Variants in SMARCAD1 observed in about 807,000 individuals in gnomAD.
SMARCAD1 encodes the protein SWI/SNF-related matrix-associated actin-dependent regulator of chromatin subfamily A containing DEAD/H box 1.
In SMARCAD1, 25 loss-of-function variants were observed where a neutral mutation model predicts 127.1. The observed-to-expected ratio is 0.20, with a 90% CI of 0.14 to 0.27. SMARCAD1 has a LOEUF of 0.27. Among genes scored for constraint, SMARCAD1 ranks in the 10% least tolerant of loss-of-function variants. The pLI is 1.00. For missense variants in SMARCAD1, 807 were observed against 1,206.0 expected (o/e 0.67, Z 4.90); for synonymous variants, 400 against 396.9 (o/e 1.01, Z -0.09).
chr4:94,287,828 G>T (rs561044362), intron 23 of SMARCAD1, among the ~76,000 whole-genome samples: 1 of 151,306 alleles, frequency 6.6e-6, no homozygotes, highest in African/African-American at 2.4e-5. Flanking sequence ...CATACTTTTT[G>T]AATTTTTTTA....
chr4:94,261,332 C>T lies in SMARCAD1; in HGVS notation c.1282-3375C>T, dbSNP rs140024964. On this transcript the variant is annotated intron_variant, in intron 9 of 23. Transcript: ENST00000354268. ...TCAGAAAATATTGACTGTTATTTAT[C>T]ACTAAACTCATAATATGCTTAGGCA... 2.1e-4 allele frequency among the ~76,000 whole-genome samples: 32 copies of T among 152,234 alleles called. No individual in the cohort carries two copies. In the East Asian group the frequency reaches 4.6e-3, roughly 22 times the overall value.
chr4:94,223,260 C>T (rs776752424), intron 2 of SMARCAD1, among the ~76,000 whole-genome samples: 2 of 151,860 alleles, frequency 1.3e-5, no homozygotes, highest in African/African-American at 2.4e-5. Flanking sequence ...TTTGGGAGGC[C>T]GAGGCAGGTG....
At chr4:94,283,681 C>T (rs566443875) in intron 22 of SMARCAD1, among the ~76,000 whole-genome samples, 4 of 151,938 alleles carry the variant, frequency 2.6e-5, no homozygotes, top group South Asian at 2.1e-4. Context: ...AAAAATTAGC[C>T]GGGCATGGTG....
chr4:94,263,688 GT>G (rs1220654609), intron 9 of SMARCAD1, among the ~76,000 whole-genome samples: 8 of 151,970 alleles, frequency 5.3e-5, no homozygotes, highest in Non-Finnish European at 8.8e-5. Context: ...ATTACTTAGA[GT>G]TGTTAATGTG....
chr4:94,208,688 C>A (rs903166361), intron 2 of SMARCAD1, 104 bp downstream of exon 2: 48 of 1,112,460 alleles, frequency 4.3e-5, no homozygotes, highest in Non-Finnish European at 6.0e-5. Flanking sequence ...TATATTGATG[C>A]ATTGTCCTGC....
rs1386342255 is a variant in SMARCAD1, at chr4:94,252,819, G to C, written c.1093G>C (p.Asp365His). Residue 365 changes from aspartate (D) to histidine (H), a missense_variant, in exon 9 of 24, where the codon GAT becomes CAT. Asp to His is a moderately conservative substitution (Grantham distance 81). Coordinates refer to ENST00000354268, the MANE Select transcript of SMARCAD1 (RefSeq NM_020159.5). ...AGACTCTGAATATGATTCAGGTTCTGATGTCGGTAGTTCACTAGATGAGGA... is the reference window on the plus strand; with the variant it reads ...AGACTCTGAATATGATTCAGGTTCTCATGTCGGTAGTTCACTAGATGAGGA... ...VEDSEYDSGS[D>H]VGSSLDEDYS... 1 of 1,614,098 alleles carries C rather than the reference G, an allele frequency of 6.2e-7. No homozygotes were observed. Among genetic ancestry groups the C allele is most frequent in the African/African-American group, 1.3e-5 (1 of 75,048 alleles).
chr4:94,252,517 T>C, intron 8 of SMARCAD1, 99 bp from the exon 9 acceptor site: 7 of 768,898 alleles, frequency 9.1e-6, no homozygotes, highest in Non-Finnish European at 1.4e-5. Context: ...TTCTTCTGTA[T>C]TCAATAGGAA....
intron 9 of SMARCAD1, among the ~76,000 whole-genome samples, chr4:94,260,502 C>T (rs1161929987): frequency 6.6e-6 from 1 of 152,036 alleles, no homozygotes; most frequent in Non-Finnish European, 1.5e-5. Flanking sequence ...CACCACCACA[C>T]CCAGTTAATT....
chr4:94,232,743 A>G (rs1050831106), intron 3 of SMARCAD1, among the ~76,000 whole-genome samples: 2 of 152,292 alleles, frequency 1.3e-5, no homozygotes, highest in Non-Finnish European at 2.9e-5. Flanking sequence ...GCTTGAGCCT[A>G]GGAGTTCAAG....
At chr4:94,220,881 T>C (rs1187843480) in intron 2 of SMARCAD1, among the ~76,000 whole-genome samples, 1 of 152,218 alleles carries the variant, frequency 6.6e-6, no homozygotes, top group African/African-American at 2.4e-5. Context: ...TTTAATACTT[T>C]GTGAAACAAA....
chr4:94,231,715 T>G (rs1745873800), intron 3 of SMARCAD1, among the ~76,000 whole-genome samples: 1 of 152,124 alleles, frequency 6.6e-6, no homozygotes, highest in South Asian at 2.1e-4. Flanking sequence ...AGATTTCATG[T>G]TTTTTATAGC....
chr4:94,253,658 A>G, intron 9 of SMARCAD1: 1 of 1,027,816 alleles, frequency 9.7e-7, no homozygotes, highest in South Asian at 3.6e-5. Context: ...GGTGAAGGGA[A>G]GGCATAAGCA....
chr4:94,248,376 T>C (rs1417365237), intron 6 of SMARCAD1: 7 of 419,206 alleles, frequency 1.7e-5, no homozygotes, highest in African/African-American at 1.0e-4. Flanking sequence ...TTTTCACTTA[T>C]GTAGTGAAAA....
intron 9 of SMARCAD1, among the ~76,000 whole-genome samples, chr4:94,260,839 A>C (rs1204698171): frequency 6.6e-6 from 1 of 152,162 alleles, no homozygotes; most frequent in East Asian, 1.9e-4. Context: ...AATGACCATA[A>C]TTAATTTATG....
chr4:94,226,249 C>T lies in SMARCAD1; in HGVS notation c.321C>T (p.Ser107=). ...DSEDVVSPNC[S]NTVQEKTFNK... is the part of the protein sequence containing the mutation. ...AAGATGTCGTTTCCCCAAATTGCTC[C>T]AATACAGTTCAAGAGAAAACATTCA... Residue 107 remains serine (S), a synonymous_variant, in exon 3 of 24, where the codon TCC becomes TCT. Coordinates refer to ENST00000354268, the MANE Select transcript of SMARCAD1 (RefSeq NM_020159.5). 6 of 1,613,146 alleles carry T rather than the reference C, an allele frequency of 3.7e-6. No individual in the cohort carries two copies. The highest frequency in any genetic ancestry group is 4.2e-6 in the Non-Finnish European group (5 of 1,179,390).
chr4:94,272,371 T>C (rs1261502941), intron 11 of SMARCAD1, among the ~76,000 whole-genome samples: 1 of 152,210 alleles, frequency 6.6e-6, no homozygotes, highest in Non-Finnish European at 1.5e-5. Flanking sequence ...TAAGTAACTT[T>C]TTTAAACCAG....
chr4:94,283,562 A>T (rs192364519), intron 22 of SMARCAD1, among the ~76,000 whole-genome samples: 141 of 152,336 alleles, frequency 9.3e-4, no homozygotes, highest in African/African-American at 3.1e-3. Context: ...GCCGTGGCTC[A>T]CGCCTGTAAT....
intron 4 of SMARCAD1, among the ~76,000 whole-genome samples, chr4:94,235,483 C>A (rs981949055): frequency 6.7e-6 from 1 of 150,300 alleles, no homozygotes; most frequent in Non-Finnish European, 1.5e-5. Context: ...GTGTAGATTA[C>A]ATTATTTTTA....
chr4:94,284,997 A>G lies in SMARCAD1; in HGVS notation c.2947A>G (p.Ile983Val). Reference protein sequence around the residue: ...LVIKLISQGTIEESMLKINQQ... With the variant: ...LVIKLISQGTVEESMLKINQQ... ...TATAAAACTAATAAGCCAAGGGACG[A>G]TTGAAGAATCCATGCTAAAAATTAA... The change falls in exon 23 of 24, where the codon ATT (isoleucine) becomes GTT (valine). Residue 983 changes from isoleucine to valine, a missense_variant. Ile to Val is a conservative substitution (Grantham distance 29). Coordinates refer to ENST00000354268, the MANE Select transcript of SMARCAD1 (RefSeq NM_020159.5). 1 of 1,613,316 alleles carries G rather than the reference A, an allele frequency of 6.2e-7. No homozygotes were observed. The highest frequency in any genetic ancestry group is 8.5e-7 in the Non-Finnish European group (1 of 1,179,390).
Sources: gnomAD v4.1 joint callset for allele counts (sites outside exome capture counted in the v4.1 genomes callset) on GRCh38, gnomAD v4.1.1 for gene constraint, MANE v1.5 for transcripts, NCBI Gene and HGNC (gene_info 2026-07-23, HGNC 2026-07-21) for gene names.